The following STPG2 variants were observed in gnomAD, a reference collection of about 807,000 sequenced individuals.
The protein encoded by STPG2 is sperm tail PG-rich repeat containing 2.
A neutral mutation model predicts 54.2 loss-of-function variants in STPG2; 56 were observed. The observed-to-expected ratio is 1.03, with a 90% CI of 0.83 to 1.29. The LOEUF (loss-of-function observed/expected upper bound fraction) is 1.29. STPG2 is among the 50% of genes most tolerant of loss of function. The probability of loss-of-function intolerance (pLI) is 0.00; values close to 1 mark genes in which losing one functional copy is unlikely to be tolerated. For missense variants in STPG2, 596 were observed against 544.9 expected, an observed-to-expected ratio of 1.09 and a Z score of -0.93; for synonymous variants, 200 against 181.8, an observed-to-expected ratio of 1.10 and a Z score of -0.81.
At chr4:97,877,437 T>C (rs6810885) in intron 8 of STPG2, among the ~76,000 whole-genome samples, 59,808 of 152,000 alleles carry the variant, frequency 0.39, 11,916 homozygotes, top group Middle Eastern at 0.46. Flanking sequence ...ACTGGGTAAT[T>C]TATAAAGAAA....
intron 10 of STPG2, among the ~76,000 whole-genome samples, chr4:97,638,973 G>T (rs1003537703): frequency 2.0e-5 from 3 of 151,052 alleles, no homozygotes; most frequent in African/African-American, 4.9e-5. Flanking sequence ...AATACCATTT[G>T]ACCCGGCCAT....
chr4:97,964,316 G>A (rs1040958644), intron 7 of STPG2, among the ~76,000 whole-genome samples: 7 of 152,220 alleles, frequency 4.6e-5, no homozygotes, highest in Admixed American at 2.0e-4. Flanking sequence ...CTTTTATAAT[G>A]AGCAGTAAGC....
intron 7 of STPG2, among the ~76,000 whole-genome samples, chr4:97,968,384 T>C (rs1159139900): frequency 6.6e-6 from 1 of 152,130 alleles, no homozygotes; most frequent in African/African-American, 2.4e-5. Flanking sequence ...TACCATTCCT[T>C]CTGAAACTTC....
chr4:97,689,410 T>A (rs1245090674), intron 10 of STPG2, among the ~76,000 whole-genome samples: 2 of 152,076 alleles, frequency 1.3e-5, no homozygotes, highest in Non-Finnish European at 2.9e-5. Context: ...TCTCTCTCTC[T>A]TACTCTCTCT....
intron 4 of STPG2, among the ~76,000 whole-genome samples, chr4:97,546,177 T>C (rs540878064): frequency 6.6e-6 from 1 of 151,992 alleles, no homozygotes; most frequent in African/African-American, 2.4e-5. Flanking sequence ...ATAAAAAGAC[T>C]GAAGGGCACA....
At chr4:98,074,165 A>G (rs578219308) in intron 5 of STPG2, among the ~76,000 whole-genome samples, 151 of 152,344 alleles carry the variant, frequency 9.9e-4, no homozygotes, top group South Asian at 1.7e-3. Context: ...AATTCATGAT[A>G]AAGAAACATC....
At chr4:97,890,399 C>G (rs918459014) in intron 8 of STPG2, among the ~76,000 whole-genome samples, 4 of 151,948 alleles carry the variant, frequency 2.6e-5, no homozygotes, top group Admixed American at 2.6e-4. Context: ...AGCATGCTAG[C>G]AAAAGAACAA....
intron 8 of STPG2, among the ~76,000 whole-genome samples, chr4:97,852,727 G>C (rs1729200868): frequency 6.6e-6 from 1 of 151,998 alleles, no homozygotes; most frequent in South Asian, 2.1e-4. Context: ...TATGCAAAAG[G>C]TAAAGAGAAA....
At chr4:98,039,698 A>ATC (rs1491260633) in intron 5 of STPG2, among the ~76,000 whole-genome samples, 2 of 150,530 alleles carry the variant, frequency 1.3e-5, no homozygotes, top group Non-Finnish European at 3.0e-5. Context: ...ATATATATAT[A>ATC]TCTCACATTT....
chr4:97,849,155 T>C (rs1729067100), intron 8 of STPG2, among the ~76,000 whole-genome samples: 1 of 149,282 alleles, frequency 6.7e-6, no homozygotes, highest in South Asian at 2.1e-4. Context: ...TTCCATTTGT[T>C]TGTATCCTCT....
chr4:97,656,755 T>C lies in STPG2; in HGVS notation c.1320+55944A>G, dbSNP rs141629173. ...GCATAGTTTTAGTTTTATGGAAATA[T>C]TTAATGAGATTTAATTAAATTTTAA... On this transcript the variant is annotated intron_variant, in intron 10 of 10. Coordinates refer to ENST00000295268, the MANE Select transcript of STPG2 (RefSeq NM_174952.3). Among the ~76,000 whole-genome samples the C allele has an allele frequency of 8.3e-4, 126 of 151,526 alleles. 1 individual carries two copies. Among genetic ancestry groups the C allele is most frequent in the Admixed American group, 1.5e-3 (23 of 15,096 alleles).
Position 98,083,876 on chromosome 4 carries a change from A to G in STPG2, c.612+22077T>C, listed in dbSNP as rs180848885. On this transcript the variant is annotated intron_variant, in intron 5 of 10. Coordinates refer to ENST00000295268, the MANE Select transcript of STPG2 (RefSeq NM_174952.3). The stretch of plus-strand genomic sequence containing the variant: ...CTATTTTCTTTTTTGTTTTTAACAC[A>G]GTCTTACTCTGTTGCCCAGACTGGC... Among the ~76,000 whole-genome samples, 255 of 152,298 alleles carry G rather than the reference A, an allele frequency of 1.7e-3. 2 individuals are homozygous for G. The highest frequency in any genetic ancestry group is 2.5e-3 in the Non-Finnish European group (173 of 68,014).
chr4:97,741,736 A>C (rs900005058), intron 9 of STPG2, among the ~76,000 whole-genome samples: 4 of 151,666 alleles, frequency 2.6e-5, no homozygotes, highest in African/African-American at 9.7e-5. Flanking sequence ...GAGGATGTGG[A>C]GAAATAGGAA....
intron 10 of STPG2, among the ~76,000 whole-genome samples, chr4:97,575,889 C>G (rs1431547764): frequency 6.6e-6 from 1 of 152,080 alleles, no homozygotes; most frequent in Non-Finnish European, 1.5e-5. Context: ...CAAAGAGCCC[C>G]TAGAACTGAT....
intron 10 of STPG2, among the ~76,000 whole-genome samples, chr4:97,670,915 G>A (rs376493364): frequency 3.3e-5 from 5 of 152,300 alleles, no homozygotes; most frequent in African/African-American, 1.2e-4. Flanking sequence ...AATGCAGGGA[G>A]CTGTGACAAT....
At chr4:97,936,633 A>C (rs1005391354) in intron 8 of STPG2, among the ~76,000 whole-genome samples, 1 of 152,134 alleles carries the variant, frequency 6.6e-6, no homozygotes, top group African/African-American at 2.4e-5. Flanking sequence ...TCCTTCACTT[A>C]TAAGGCTTAG....
chr4:98,124,464 G>A (rs910326754), intron 3 of STPG2, among the ~76,000 whole-genome samples: 1 of 152,108 alleles, frequency 6.6e-6, no homozygotes, highest in Non-Finnish European at 1.5e-5. Flanking sequence ...ATGAAATTCT[G>A]GGTTGGAAAT....
chr4:97,739,287 C>T (rs1725135245), intron 9 of STPG2, among the ~76,000 whole-genome samples: 1 of 152,132 alleles, frequency 6.6e-6, no homozygotes, highest in Non-Finnish European at 1.5e-5. Flanking sequence ...GACACCCTAA[C>T]ATCACAATTA....
chr4:97,678,081 C>A (rs548779213), intron 10 of STPG2, among the ~76,000 whole-genome samples: 2 of 151,198 alleles, frequency 1.3e-5, no homozygotes, highest in Admixed American at 1.3e-4. Flanking sequence ...TATGTGTGAA[C>A]ATATCAGTAA....
Sources: gnomAD v4.1 joint callset for allele counts (sites outside exome capture counted in the v4.1 genomes callset) on GRCh38, gnomAD v4.1.1 for gene constraint, MANE v1.5 for transcripts, NCBI Gene and HGNC (gene_info 2026-07-23, HGNC 2026-07-21) for gene names.